Variants in RPIA observed in about 807,000 individuals in gnomAD.
The protein encoded by RPIA is ribose 5-phosphate isomerase A, also known as ribose-5-phosphate isomerase.
A neutral mutation model predicts 37.8 loss-of-function variants in RPIA; 29 were observed. The ratio of observed to expected loss-of-function variants is 0.77; its 90% CI spans 0.57 to 1.05. RPIA has a LOEUF of 1.05. Among genes scored for constraint, RPIA ranks in the 50% least tolerant of loss-of-function variants. RPIA has a pLI of 0.00. For synonymous variants in RPIA, 167 were observed against 157.0 expected, an observed-to-expected ratio of 1.06 and a Z score of -0.48; for missense variants, 385 against 413.6, an observed-to-expected ratio of 0.93 and a Z score of 0.60.
chr2:88,735,967 G>A lies in RPIA; in HGVS notation c.596+230G>A, dbSNP rs574190446. Reference sequence around the variant, plus strand: ...ATCCGCAGCCAGGATCTCTAGCATCGTTTCATGTGTTCAGTGGAACGGGGA... The same window carrying A: ...ATCCGCAGCCAGGATCTCTAGCATCATTTCATGTGTTCAGTGGAACGGGGA... On this transcript the variant is annotated intron_variant, in intron 6 of 8. Transcript: ENST00000283646. Among the ~76,000 whole-genome samples the A allele has an allele frequency of 3.3e-4, 51 of 152,296 alleles. No individual in the cohort carries two copies. The South Asian group carries it at 0.01, about 31-fold the overall frequency.
intron 3 of RPIA, among the ~76,000 whole-genome samples, chr2:88,723,533 G>A (rs1332543886): frequency 2.0e-5 from 3 of 152,070 alleles, no homozygotes; most frequent in Non-Finnish European, 2.9e-5. Context: ...GGGATTCTCT[G>A]GAGGGTGTAC....
At chr2:88,739,876 C>T (rs1309693783) in intron 8 of RPIA, among the ~76,000 whole-genome samples, 2 of 152,158 alleles carry the variant, frequency 1.3e-5, no homozygotes, top group African/African-American at 4.8e-5. Flanking sequence ...CCCAAAGTGC[C>T]AGGATCACAG....
At chr2:88,740,063 G>C (rs558489270) in intron 8 of RPIA, among the ~76,000 whole-genome samples, 1 of 152,318 alleles carries the variant, frequency 6.6e-6, no homozygotes, top group Non-Finnish European at 1.5e-5. Flanking sequence ...AGGAGGAAGA[G>C]AAGATTTGCA....
intron 3 of RPIA, among the ~76,000 whole-genome samples, chr2:88,705,098 T>G (rs937833962): frequency 2.0e-5 from 3 of 152,184 alleles, no homozygotes; most frequent in African/African-American, 7.2e-5. Context: ...TCCATGCCCA[T>G]GGATAGGAAG....
At chr2:88,734,737 G>T in intron 5 of RPIA, 121 bp downstream of exon 5, 1 of 1,046,664 alleles carries the variant, frequency 9.6e-7, no homozygotes. Flanking sequence ...TTTCTCCTAG[G>T]ATATTGATAG....
chr2:88,747,459 G>A (rs7579483), intron 8 of RPIA, among the ~76,000 whole-genome samples: 9,214 of 152,228 alleles, frequency 0.061, 496 homozygotes, highest in African/African-American at 0.14. Flanking sequence ...GTCCCCCACC[G>A]GATTCTGCTC....
At chr2:88,745,225 G>A (rs1001559038) in intron 8 of RPIA, among the ~76,000 whole-genome samples, 8 of 152,266 alleles carry the variant, frequency 5.3e-5, no homozygotes, top group African/African-American at 1.9e-4. Context: ...CGCCCACCAA[G>A]CCTGGCCCAT....
rs375132883 is a variant in RPIA at position 88,729,281 on chromosome 2, C to A, written c.406C>A (p.Arg136Ser). Residue 136 changes from arginine to serine, a missense_variant, in exon 4 of 9, where the codon CGC (arginine) becomes AGC (serine). Transcript: ENST00000283646. ...TGCTCTTCCCTGTCCTCCGCAGGCCCGCCAGCTCATCCTGCAGTATGGCTT... is the reference window on the plus strand; with the variant it reads ...TGCTCTTCCCTGTCCTCCGCAGGCCAGCCAGCTCATCCTGCAGTATGGCTT... Reference protein sequence around the residue: ...LVCIPTSFQARQLILQYGLTL... With the variant: ...LVCIPTSFQASQLILQYGLTL... The A allele has an allele frequency of 2.5e-6, 4 of 1,614,134 alleles. No individual in the cohort carries two copies. Among genetic ancestry groups the A allele is most frequent in the Non-Finnish European group, 3.4e-6 (4 of 1,180,008 alleles).
chr2:88,743,327 G>A (rs936480055), intron 8 of RPIA, among the ~76,000 whole-genome samples: 1 of 152,032 alleles, frequency 6.6e-6, no homozygotes, highest in African/African-American at 2.4e-5. Flanking sequence ...TGTTTATGTG[G>A]TGTGTCACAT....
chr2:88,698,323 G>A (rs1573459277), intron 1 of RPIA, among the ~76,000 whole-genome samples, 161 bp from the exon 2 acceptor site: 4 of 152,044 alleles, frequency 2.6e-5, no homozygotes, highest in African/African-American at 9.6e-5. Context: ...CAGCATTGAG[G>A]TTCATTGTTT....
At chr2:88,723,740 C>T (rs1673162220) in intron 3 of RPIA, among the ~76,000 whole-genome samples, 1 of 152,104 alleles carries the variant, frequency 6.6e-6, no homozygotes, top group Non-Finnish European at 1.5e-5. Context: ...GTTGAGGACA[C>T]GTGCCTGTGA....
intron 1 of RPIA, among the ~76,000 whole-genome samples, chr2:88,696,926 A>G (rs553734750): frequency 3.9e-4 from 59 of 152,320 alleles, no homozygotes; most frequent in Middle Eastern, 3.4e-3. Flanking sequence ...TGGCAATTAA[A>G]TTTCAACGTG....
At position 88,737,918 on chromosome 2, in the gene RPIA, T is replaced by C; in HGVS notation, c.739-59T>C. The C allele has an allele frequency of 1.6e-6, 2 of 1,280,470 alleles. 1 individual carries two copies. Among genetic ancestry groups the C allele is most frequent in the Middle Eastern group, 3.7e-4 (2 of 5,402 alleles). The allele number at this position is 1,280,470 out of a possible 1,614,324, so 79.3% of individuals were successfully genotyped here. On this transcript the variant is annotated intron_variant, in intron 7 of 8. Transcript: ENST00000283646. ...TCTTTGGTTATCCCCTCTACTTTCC[T>C]GTCCTTCTCTGCCTACCTGTATCTG...
chr2:88,717,752 T>TC (rs1673054155), intron 3 of RPIA, among the ~76,000 whole-genome samples: 1 of 152,220 alleles, frequency 6.6e-6, no homozygotes, highest in African/African-American at 2.4e-5. Context: ...TTCTGATCTC[T>TC]CATGGCTAGG....
intron 8 of RPIA, among the ~76,000 whole-genome samples, chr2:88,743,466 A>G (rs1003992053): frequency 6.6e-6 from 1 of 152,056 alleles, no homozygotes; most frequent in Admixed American, 6.5e-5. Context: ...TTTTGCATTT[A>G]TGTTCATCAG....
At chr2:88,692,074 G>A in intron 1 of RPIA, 91 bp downstream of exon 1, 1 of 1,469,554 alleles carries the variant, frequency 6.8e-7, no homozygotes. Context: ...GGCGCGCCTA[G>A]CTCCTGGCAG....
rs117857067 is a variant in RPIA at position 88,710,849 on chromosome 2, C to T, written c.402+10785C>T. ...TGTGTTCAGGGTCAAAAATGTGTTG[C>T]TTATGAGCTTCACTCCTCGAGCTCT... is the stretch of plus-strand genomic sequence containing the variant. On this transcript the variant is annotated intron_variant, in intron 3 of 8. Coordinates refer to ENST00000283646, the MANE Select transcript of RPIA (RefSeq NM_144563.3). Among the ~76,000 whole-genome samples, 7 of 152,342 alleles carry T rather than the reference C, an allele frequency of 4.6e-5. No homozygotes were observed. In the East Asian group the frequency reaches 1.3e-3, roughly 29 times the overall value.
intron 8 of RPIA, among the ~76,000 whole-genome samples, chr2:88,743,720 T>C (rs917778904): frequency 6.6e-6 from 1 of 152,172 alleles, no homozygotes; most frequent in Admixed American, 6.5e-5. Context: ...CTGCTTGTTA[T>C]TGATTTGTTC....
chr2:88,741,170 G>A (rs138215802), intron 8 of RPIA, among the ~76,000 whole-genome samples: 123 of 152,196 alleles, frequency 8.1e-4, no homozygotes, highest in African/African-American at 2.7e-3. Flanking sequence ...CCCAAGCAGC[G>A]TACACTGTAC....
Sources: gnomAD v4.1 joint callset for allele counts (sites outside exome capture counted in the v4.1 genomes callset) on GRCh38, gnomAD v4.1.1 for gene constraint, MANE v1.5 for transcripts, NCBI Gene and HGNC (gene_info 2026-07-23, HGNC 2026-07-21) for gene names.